Variants in GUCY1A2 observed in about 807,000 individuals in gnomAD.
GUCY1A2 encodes guanylate cyclase soluble subunit alpha-2.
GUCY1A2 carries 27 observed loss-of-function variants against 63.5 expected under a neutral mutation model. The ratio of observed to expected loss-of-function variants is 0.43; its 90% CI spans 0.31 to 0.59. GUCY1A2 has a LOEUF of 0.59. Ranked by LOEUF, GUCY1A2 falls within the 20% of genes least tolerant of loss-of-function variation. GUCY1A2 has a pLI of 0.11. For synonymous variants in GUCY1A2, 364 were observed against 343.5 expected, an observed-to-expected ratio of 1.06 and a Z score of -0.66; for missense variants, 768 against 913.3, an observed-to-expected ratio of 0.84 and a Z score of 2.05.
rs1241841956 is a variant in GUCY1A2 at position 106,876,564 on chromosome 11, C to G, written c.1206+62896G>C. Among the ~76,000 whole-genome samples the G allele has an allele frequency of 2.0e-5, 3 of 152,190 alleles. 1 individual carries two copies. Among genetic ancestry groups the G allele is most frequent in the Admixed American group, 2.0e-4 (3 of 15,248 alleles). ...CCACCAGGCTCTCCTACAAATCATACATGACCAACCTCCTATAAATACCAT... is the reference window on the plus strand; with the variant it reads ...CCACCAGGCTCTCCTACAAATCATAGATGACCAACCTCCTATAAATACCAT... On this transcript the variant is annotated intron_variant, in intron 4 of 7. Coordinates refer to ENST00000526355, the MANE Select transcript of GUCY1A2 (RefSeq NM_000855.3).
chr11:106,852,144 G>C (rs190350308), intron 4 of GUCY1A2, among the ~76,000 whole-genome samples: 2 of 151,846 alleles, frequency 1.3e-5, no homozygotes, highest in East Asian at 3.9e-4. Context: ...TTTTCAGCTA[G>C]TTCATTATTG....
chr11:106,924,495 G>T (rs1860494531), intron 4 of GUCY1A2, among the ~76,000 whole-genome samples: 1 of 152,130 alleles, frequency 6.6e-6, no homozygotes, highest in Non-Finnish European at 1.5e-5. Flanking sequence ...TGTGGCACAG[G>T]CTCTATCTAG....
intron 2 of GUCY1A2, among the ~76,000 whole-genome samples, chr11:106,981,335 G>A (rs1861332034): frequency 6.6e-6 from 1 of 152,028 alleles, no homozygotes; most frequent in Non-Finnish European, 1.5e-5. Flanking sequence ...AAGGTTGGCT[G>A]TATAAAACAA....
chr11:106,902,683 A>G (rs1389418690), intron 4 of GUCY1A2, among the ~76,000 whole-genome samples: 1 of 152,194 alleles, frequency 6.6e-6, no homozygotes, highest in Non-Finnish European at 1.5e-5. Context: ...CCACATCCAG[A>G]GCTTCAACCA....
Position 106,675,467 on chromosome 11 carries a change from G to A in GUCY1A2, c.*12082C>T, listed in dbSNP as rs1862330128. ...GCTCCAAATTCTTAAAGGAGACAATGAATTAGTAGCTTGTAAATTTTGCAG... is the reference window on the plus strand; with the variant it reads ...GCTCCAAATTCTTAAAGGAGACAATAAATTAGTAGCTTGTAAATTTTGCAG... On this transcript the variant is annotated 3_prime_UTR_variant, in exon 8 of 8. Transcript: ENST00000526355. 1 of 201,436 alleles carries A rather than the reference G, an allele frequency of 5.0e-6. No individual in the cohort carries two copies. Among genetic ancestry groups the A allele is most frequent in the South Asian group, 1.9e-4 (1 of 5,284 alleles). 12.5% of individuals were successfully genotyped at this position (201,436 alleles called of 1,614,324 possible).
At chr11:106,916,680 GC>G in intron 4 of GUCY1A2, among the ~76,000 whole-genome samples, 1 of 145,392 alleles carries the variant, frequency 6.9e-6, no homozygotes, top group South Asian at 2.4e-4. Context: ...AGAATAAGTA[GC>G]CAATTAGCGT....
chr11:106,789,951 C>T (rs1339502539), intron 5 of GUCY1A2, among the ~76,000 whole-genome samples: 2 of 151,898 alleles, frequency 1.3e-5, no homozygotes, highest in Non-Finnish European at 1.5e-5. Flanking sequence ...CTGGGTCAGA[C>T]CTAAAGCCAG....
At position 106,844,251 on chromosome 11, in the gene GUCY1A2, C is replaced by G. The variant is rs188014197; in HGVS notation, c.1207-33773G>C. ...AATATGGCCCATGCTGTCTGCCATT[C>G]TGCTTATATGATTTCTCTAAAACTT... On this transcript the variant is annotated intron_variant, in intron 4 of 7. Transcript: ENST00000526355. 9.9e-5 allele frequency among the ~76,000 whole-genome samples: 15 copies of G among 151,886 alleles called. No individual in the cohort carries two copies. In the East Asian group the frequency reaches 2.9e-3, roughly 30 times the overall value.
At chr11:106,971,415 A>G (rs1267961915) in intron 3 of GUCY1A2, among the ~76,000 whole-genome samples, 1 of 152,174 alleles carries the variant, frequency 6.6e-6, no homozygotes, top group African/African-American at 2.4e-5. Context: ...CATACTCCCA[A>G]ACTGCCCATA....
intron 6 of GUCY1A2, among the ~76,000 whole-genome samples, chr11:106,751,626 G>GT (rs1863883423): frequency 6.6e-6 from 1 of 151,682 alleles, no homozygotes; most frequent in South Asian, 2.1e-4. Context: ...TAATTTGCCA[G>GT]TATTTTCTCA....
intron 4 of GUCY1A2, among the ~76,000 whole-genome samples, chr11:106,861,260 A>T (rs1322121780): frequency 6.6e-6 from 1 of 151,692 alleles, no homozygotes; most frequent in African/African-American, 2.4e-5. Context: ...GTAACTGAGG[A>T]AAGAAGAGAA....
At chr11:106,709,492 A>AATAATATATATTCTATATT (rs1863009703) in intron 6 of GUCY1A2, among the ~76,000 whole-genome samples, 2 of 55,850 alleles carry the variant, frequency 3.6e-5, no homozygotes, top group Non-Finnish European at 5.6e-5. Flanking sequence ...ATATTTATAT[A>AATAATATATATTCTATATT]TATATAATAA....
intron 1 of GUCY1A2, among the ~76,000 whole-genome samples, chr11:107,012,297 T>C (rs1861757800): frequency 6.7e-6 from 1 of 149,722 alleles, no homozygotes; most frequent in African/African-American, 2.5e-5. Context: ...TCTGTTAACC[T>C]ATTCTATAAA....
At chr11:106,803,803 G>C (rs10890595) in intron 5 of GUCY1A2, among the ~76,000 whole-genome samples, 46,582 of 152,044 alleles carry the variant, frequency 0.31, 7,405 homozygotes, top group Middle Eastern at 0.37. Flanking sequence ...GATAGCACTG[G>C]GATTCCACAG....
chr11:106,773,748 T>C (rs1479842172), intron 6 of GUCY1A2, among the ~76,000 whole-genome samples: 2 of 152,204 alleles, frequency 1.3e-5, no homozygotes, highest in Non-Finnish European at 2.9e-5. Flanking sequence ...TTTCTATTAA[T>C]TTGATTACTG....
chr11:106,984,891 A>C (rs1426640607), intron 2 of GUCY1A2, among the ~76,000 whole-genome samples: 2 of 152,198 alleles, frequency 1.3e-5, no homozygotes, highest in Non-Finnish European at 2.9e-5. Flanking sequence ...AAGCCATCTC[A>C]TGAGTTTAAA....
In GUCY1A2 at chr11:106,831,428, G is replaced by A. The variant is rs548372522; in HGVS notation, c.1207-20950C>T. ...ATGGCAAGGAAGTGCCCCAAGACGG[G>A]TAAAGGAAAGTTCAAAGGCCCAGAA... On this transcript the variant is annotated intron_variant, in intron 4 of 7. Coordinates refer to ENST00000526355, the MANE Select transcript of GUCY1A2 (RefSeq NM_000855.3). Among the ~76,000 whole-genome samples the A allele has an allele frequency of 2.6e-5, 4 of 152,238 alleles. No homozygotes were observed. The South Asian group carries it at 6.2e-4, about 24-fold the overall frequency.
At chr11:106,705,687 C>T (rs1862896289) in intron 7 of GUCY1A2, among the ~76,000 whole-genome samples, 1 of 151,926 alleles carries the variant, frequency 6.6e-6, no homozygotes, top group African/African-American at 2.4e-5. Flanking sequence ...GATGAAACCC[C>T]GTCTCTACTA....
chr11:106,862,610 A>C (rs1859529060), intron 4 of GUCY1A2, among the ~76,000 whole-genome samples: 1 of 152,088 alleles, frequency 6.6e-6, no homozygotes, highest in African/African-American at 2.4e-5. Context: ...CCCAGAGAAG[A>C]GTGATAATTG....
Sources: gnomAD v4.1 joint callset for allele counts (sites outside exome capture counted in the v4.1 genomes callset) on GRCh38, gnomAD v4.1.1 for gene constraint, MANE v1.5 for transcripts, NCBI Gene and HGNC (gene_info 2026-07-23, HGNC 2026-07-21) for gene names.